Variants in PGM2L1 observed in about 807,000 individuals in gnomAD.
PGM2L1 encodes phosphoglucomutase 2 like 1, also known as glucose 1,6-bisphosphate synthase.
Under a neutral mutation model 73.4 loss-of-function variants are expected in PGM2L1, and 35 were observed. That is an observed-to-expected ratio of 0.48 (90% confidence interval 0.36 to 0.63). The LOEUF is 0.63. Among genes scored for constraint, PGM2L1 ranks in the 30% least tolerant of loss-of-function variants. The pLI, the probability that PGM2L1 is intolerant of heterozygous loss-of-function variation, is 0.00. For synonymous variants in PGM2L1, 225 were observed against 253.8 expected (o/e 0.89, Z 1.08); for missense variants, 570 against 742.0 (o/e 0.77, Z 2.69).
Position 74,336,512 on chromosome 11 carries a change from C to T in PGM2L1, c.*140G>A. 2.1e-6 allele frequency: 1 copy of T among 480,362 alleles called. No homozygotes were observed. Among genetic ancestry groups the T allele is most frequent in the South Asian group, 6.0e-5 (1 of 16,574 alleles). The allele number at this position is 480,362 out of a possible 1,614,324, so 29.8% of individuals were successfully genotyped here. ...ACTTTGTTTAGTCTAGCCAGTTGAC[C>T]AAAAAGAAAGAAAATAAAAGGAAAA... is the stretch of plus-strand genomic sequence containing the variant. On this transcript the variant is annotated 3_prime_UTR_variant, in exon 14 of 14. Transcript: ENST00000298198.
Position 74,354,004 on chromosome 11 carries a change from A to G in PGM2L1, c.556-2428T>C, listed in dbSNP as rs553893614. Among the ~76,000 whole-genome samples the G allele has an allele frequency of 2.0e-5, 3 of 152,112 alleles. No homozygotes were observed. In the East Asian group the frequency reaches 5.8e-4, roughly 30 times the overall value. On this transcript the variant is annotated intron_variant, in intron 5 of 13. Transcript: ENST00000298198. ...AAGCTCACGTGAAAATTTATAAAAC[A>G]TAAGAAAAAAAATCCTATTCTTTCT... is the stretch of plus-strand genomic sequence containing the variant.
chr11:74,343,494 C>T, intron 9 of PGM2L1, 78 bp from the exon 10 acceptor site: 2 of 1,554,326 alleles, frequency 1.3e-6, no homozygotes, highest in East Asian at 2.3e-5. Flanking sequence ...CCACTACATG[C>T]ACACAACGTT....
At chr11:74,358,210 C>T (rs1326010919) in intron 5 of PGM2L1, among the ~76,000 whole-genome samples, 2 of 152,056 alleles carry the variant, frequency 1.3e-5, no homozygotes, top group Non-Finnish European at 2.9e-5. Flanking sequence ...TCATATGTAC[C>T]ACTCTAATGG....
intron 1 of PGM2L1, among the ~76,000 whole-genome samples, chr11:74,394,502 C>T (rs886129012): frequency 6.6e-6 from 1 of 152,168 alleles, no homozygotes; most frequent in African/African-American, 2.4e-5. Flanking sequence ...CCAATAAACA[C>T]CTGTCTTGTT....
At chr11:74,396,267 A>T (rs1369476841) in intron 1 of PGM2L1, among the ~76,000 whole-genome samples, 2 of 10,568 alleles carry the variant, frequency 1.9e-4, no homozygotes, top group Non-Finnish European at 1.1e-3. Context: ...GACCCTGTTT[A>T]AAAAAAAAAA....
At chr11:74,370,793 A>T in intron 4 of PGM2L1, 109 bp downstream of exon 4, 1 of 841,240 alleles carries the variant, frequency 1.2e-6, no homozygotes, top group Non-Finnish European at 1.8e-6. Context: ...TTGGTCCCTT[A>T]TATTACTCAA....
chr11:74,345,753 A>C, intron 8 of PGM2L1, 104 bp from the exon 9 acceptor site: 1 of 980,926 alleles, frequency 1.0e-6, no homozygotes, highest in East Asian at 2.6e-5. Context: ...AAAATCAAAA[A>C]CTATCATATG....
intron 5 of PGM2L1, among the ~76,000 whole-genome samples, chr11:74,359,564 C>CATAT (rs56089033): frequency 9.5e-4 from 142 of 150,056 alleles, no homozygotes; most frequent in South Asian, 4.0e-3. Context: ...CACGTACATA[C>CATAT]ATATATATAT....
At chr11:74,367,382 C>T (rs945515115) in intron 5 of PGM2L1, among the ~76,000 whole-genome samples, 5 of 152,076 alleles carry the variant, frequency 3.3e-5, no homozygotes, top group Non-Finnish European at 7.3e-5. Flanking sequence ...GTTTTTATGA[C>T]ACCAATCTCG....
At chr11:74,345,384 A>G (rs1056355533) in intron 9 of PGM2L1, 85 bp downstream of exon 9, 1 of 1,169,674 alleles carries the variant, frequency 8.5e-7, no homozygotes, top group East Asian at 2.4e-5. Flanking sequence ...AATGAAATCA[A>G]TGAAAGTCAG....
chr11:74,354,522 A>T (rs1430048673), intron 5 of PGM2L1: 31 of 1,259,960 alleles, frequency 2.5e-5, no homozygotes, highest in Non-Finnish European at 3.1e-5. Context: ...GAAACAACCG[A>T]TGAGAGCCTG....
intron 5 of PGM2L1, among the ~76,000 whole-genome samples, chr11:74,358,348 G>C (rs1862495437): frequency 6.6e-6 from 1 of 152,150 alleles, no homozygotes; most frequent in Non-Finnish European, 1.5e-5. Context: ...TCCTTTAACA[G>C]ACTTCTCAGG....
chr11:74,360,862 C>T (rs189848171), intron 5 of PGM2L1, among the ~76,000 whole-genome samples: 41 of 152,278 alleles, frequency 2.7e-4, no homozygotes, highest in Non-Finnish European at 4.7e-4. Flanking sequence ...GAGGGGCGCC[C>T]GCCATTGCTG....
intron 12 of PGM2L1, among the ~76,000 whole-genome samples, chr11:74,341,584 C>T (rs1862182770): frequency 6.7e-6 from 1 of 150,158 alleles, no homozygotes; most frequent in African/African-American, 2.5e-5. Flanking sequence ...CCCAGCTACT[C>T]AGGAGGCTGA....
intron 1 of PGM2L1, among the ~76,000 whole-genome samples, chr11:74,388,637 C>G (rs1410461201): frequency 6.6e-6 from 1 of 152,150 alleles, no homozygotes; most frequent in Non-Finnish European, 1.5e-5. Context: ...GTCTTTGAAT[C>G]AGAGAGATAT....
intron 1 of PGM2L1, among the ~76,000 whole-genome samples, chr11:74,394,950 C>CCA (rs1555103394): frequency 1.3e-5 from 2 of 151,974 alleles, no homozygotes; most frequent in Non-Finnish European, 2.9e-5. Flanking sequence ...ATCAGTTTCT[C>CCA]TGTTAAAAGA....
In PGM2L1 at chr11:74,360,396, G is replaced by A. The variant is rs1262997575; in HGVS notation, c.555+8096C>T. Among the ~76,000 whole-genome samples the A allele has an allele frequency of 3.3e-5, 5 of 152,040 alleles. No individual in the cohort carries two copies. The East Asian group carries it at 9.7e-4, about 29-fold the overall frequency. The stretch of plus-strand genomic sequence containing the variant: ...CCCAGCTACTCAAGAGGCTGAGGCT[G>A]GAGAATTCCTTGAGTTCAGGATAGC... On this transcript the variant is annotated intron_variant, in intron 5 of 13. Coordinates refer to ENST00000298198, the MANE Select transcript of PGM2L1 (RefSeq NM_173582.6).
chr11:74,395,391 TTTTA>T (rs1041884885), intron 1 of PGM2L1, among the ~76,000 whole-genome samples: 10 of 152,062 alleles, frequency 6.6e-5, no homozygotes, highest in African/African-American at 2.2e-4. Context: ...TTTTATTTTG[TTTTA>T]TTTATTTTTG....
chr11:74,340,717 T>C (rs1048239768), intron 12 of PGM2L1, among the ~76,000 whole-genome samples: 16 of 152,084 alleles, frequency 1.1e-4, no homozygotes, highest in African/African-American at 3.6e-4. Flanking sequence ...GAAAGGAACA[T>C]GCCATGTACA....
Sources: allele counts gnomAD v4.1 joint callset (sites outside exome capture counted in the v4.1 genomes callset), GRCh38; gene constraint gnomAD v4.1.1; transcripts MANE v1.5; gene names NCBI Gene and HGNC (gene_info 2026-07-23, HGNC 2026-07-21).